NUP155: variants seen among roughly 807,000 people sequenced by gnomAD.
The protein encoded by NUP155 is nuclear pore complex protein Nup155.
A neutral mutation model predicts 180.4 loss-of-function variants in NUP155; 71 were observed. The ratio of observed to expected loss-of-function variants is 0.39; its 90% CI spans 0.33 to 0.48. The LOEUF is 0.48. Among genes scored for constraint, NUP155 ranks in the 20% least tolerant of loss-of-function variants. The pLI, the probability that NUP155 is intolerant of heterozygous loss-of-function variation, is 0.91. For synonymous variants in NUP155, 582 were observed against 559.5 expected, an observed-to-expected ratio of 1.04 and a Z score of -0.57; for missense variants, 1,553 against 1,648.9, an observed-to-expected ratio of 0.94 and a Z score of 1.01.
intron 33 of NUP155, 200 bp from the exon 34 acceptor site, chr5:37,293,185 C>T (rs771205574): frequency 3.6e-4 from 191 of 527,678 alleles, no homozygotes; most frequent in Non-Finnish European, 5.8e-4. Flanking sequence ...ATTAACAACA[C>T]TATGATATTA....
chr5:37,350,407 C>A, intron 6 of NUP155, 142 bp from the exon 7 acceptor site: 1 of 635,296 alleles, frequency 1.6e-6, no homozygotes, highest in Non-Finnish European at 2.8e-6. Flanking sequence ...ATCAACAAAA[C>A]GAGACATATT....
At chr5:37,329,416 A>G (rs1744815426) in intron 15 of NUP155, 138 bp from the exon 16 acceptor site, 10 of 708,278 alleles carry the variant, frequency 1.4e-5, no homozygotes, top group South Asian at 1.2e-4. Flanking sequence ...TGCTGACAGT[A>G]AAGTATATGC....
At position 37,298,508 on chromosome 5, in the gene NUP155, T is replaced by TA. The variant is rs1415605936; in HGVS notation, c.3793+359dup. Among the ~76,000 whole-genome samples, 4 of 152,076 alleles carry TA rather than the reference T, an allele frequency of 2.6e-5. No individual in the cohort carries two copies. In the East Asian group the frequency reaches 5.8e-4, roughly 22 times the overall value. On this transcript the variant is annotated intron_variant, in intron 32 of 34. Coordinates refer to ENST00000231498, the MANE Select transcript of NUP155 (RefSeq NM_153485.3). Reference sequence around the variant, plus strand: ...TTTAAAGAAAAACATGCCCTCAACATAAAAAAAGAACAGTTGAATCAATCA... The same window carrying TA: ...TTTAAAGAAAAACATGCCCTCAACATAAAAAAAAGAACAGTTGAATCAATCA...
chr5:37,326,073 G>T, intron 18 of NUP155, 106 bp from the exon 19 acceptor site: 1 of 826,956 alleles, frequency 1.2e-6, no homozygotes, highest in Non-Finnish European at 2.0e-6. Context: ...TTTAAAACTT[G>T]CAGTGGTTTC....
intron 1 of NUP155, among the ~76,000 whole-genome samples, chr5:37,367,861 G>C (rs1231661557): frequency 1.3e-5 from 2 of 152,094 alleles, no homozygotes; most frequent in Non-Finnish European, 2.9e-5. Context: ...TCGGCTCACT[G>C]CAACTTCCGC....
At chr5:37,310,380 C>A (rs1263533291) in intron 23 of NUP155, among the ~76,000 whole-genome samples, 172 bp downstream of exon 23, 4 of 151,962 alleles carry the variant, frequency 2.6e-5, no homozygotes, top group Non-Finnish European at 5.9e-5. Flanking sequence ...AAAGAGTATA[C>A]ACTGGTTTTA....
intron 9 of NUP155, among the ~76,000 whole-genome samples, chr5:37,348,060 C>T (rs958749777): frequency 1.3e-4 from 20 of 151,964 alleles, no homozygotes; most frequent in African/African-American, 4.4e-4. Context: ...CTTGAACGCG[C>T]GAGGCAGAAG....
Position 37,352,760 on chromosome 5 carries a change from A to G in NUP155, c.533T>C (p.Leu178Pro). The change falls in exon 5 of 35, where the codon CTC (leucine) becomes CCC (proline). Residue 178 changes from leucine to proline, a missense_variant. Physicochemically the swap from Leu to Pro is moderately conservative, Grantham distance 98. Transcript: ENST00000231498. Reference sequence around the variant, plus strand: ...ACCTGTTTGCAAATTAGCATAGCTGAGTCCAAGAATTACTATGTCTACAGG... The same window carrying G: ...ACCTGTTTGCAAATTAGCATAGCTGGGTCCAAGAATTACTATGTCTACAGG... ...ATPVDIVILG[L>P]SYANLQTGSG... 6.2e-7 allele frequency: 1 copy of G among 1,613,358 alleles called. No individual in the cohort carries two copies.
intron 3 of NUP155, among the ~76,000 whole-genome samples, chr5:37,358,907 C>T (rs1326780409): frequency 1.3e-5 from 2 of 152,006 alleles, no homozygotes; most frequent in Non-Finnish European, 2.9e-5. Context: ...GTCCCAGCTA[C>T]TCGGGAGGGT....
intron 21 of NUP155, among the ~76,000 whole-genome samples, chr5:37,316,424 A>C (rs2150953874): frequency 6.6e-6 from 1 of 152,246 alleles, no homozygotes; most frequent in South Asian, 2.1e-4. Context: ...GATAGGGGAA[A>C]AAAATGGGGG....
intron 9 of NUP155, among the ~76,000 whole-genome samples, chr5:37,344,498 A>T (rs1215172391): frequency 2.0e-5 from 3 of 146,702 alleles, no homozygotes; most frequent in Admixed American, 1.4e-4. Flanking sequence ...CAATATTATA[A>T]AAAAAAAAAA....
rs774638232 is a variant in NUP155 at position 37,318,064 on chromosome 5, C to A, written c.2229G>T (p.Gln743His). ...CAGGACGCATGAATCCTATCAGCCTCTGCTGCACTTTAGCAGTAGTACTGA... is the reference window on the plus strand; with the variant it reads ...CAGGACGCATGAATCCTATCAGCCTATGCTGCACTTTAGCAGTAGTACTGA... ...GNPNTTAKVQ[Q>H]RLIGFMRPEN... The change falls in exon 21 of 35, where the codon CAG becomes CAT. Residue 743 changes from glutamine (Q) to histidine (H), a missense_variant. Coordinates refer to ENST00000231498, the MANE Select transcript of NUP155 (RefSeq NM_153485.3). 2.5e-6 allele frequency: 4 copies of A among 1,610,614 alleles called. No individual in the cohort carries two copies. The East Asian group carries it at 6.7e-5, about 27-fold the overall frequency.
At chr5:37,324,995 C>CA (rs1009432577) in intron 19 of NUP155, among the ~76,000 whole-genome samples, 3 of 152,054 alleles carry the variant, frequency 2.0e-5, no homozygotes, top group South Asian at 4.1e-4. Context: ...ACTAAAAATA[C>CA]AAAAAATCAG....
Position 37,371,092 on chromosome 5 carries a change from C to A in NUP155, c.-115G>T. 1 of 1,037,744 alleles carries A rather than the reference C, an allele frequency of 9.6e-7. No homozygotes were observed. The highest frequency in any genetic ancestry group is 1.4e-6 in the Non-Finnish European group (1 of 694,902). 64.3% of individuals were successfully genotyped at this position (1,037,744 alleles called of 1,614,324 possible). On this transcript the variant is annotated 5_prime_UTR_variant, in exon 1 of 35. Coordinates refer to ENST00000231498, the MANE Select transcript of NUP155 (RefSeq NM_153485.3). ...CTAGGGCGCGCGCGCCAAACGAGCGCCTTGGCGCCTCGACATGACGCACTT... is the reference window on the plus strand; with the variant it reads ...CTAGGGCGCGCGCGCCAAACGAGCGACTTGGCGCCTCGACATGACGCACTT...
Position 37,288,652 on chromosome 5 carries a change from C to A in NUP155, c.*3248G>T, listed in dbSNP as rs1231198095. ...TGGTGGCTCATGCCTATAATCCCAG[C>A]ACTTTGGGAGACTGAGGCAGGGGAA... On this transcript the variant is annotated 3_prime_UTR_variant, in exon 35 of 35. Coordinates refer to ENST00000231498, the MANE Select transcript of NUP155 (RefSeq NM_153485.3). 6.7e-6 allele frequency: 1 copy of A among 150,242 alleles called. No homozygotes were observed. The highest frequency in any genetic ancestry group is 1.5e-5 in the Non-Finnish European group (1 of 67,872). The allele number at this position is 150,242 out of a possible 1,614,324, so 9.3% of individuals were successfully genotyped here. A position where few individuals can be genotyped will look rare whatever the true frequency, so the allele number is the denominator to read the frequency against.
intron 20 of NUP155, among the ~76,000 whole-genome samples, chr5:37,321,673 C>G (rs1307814927): frequency 6.6e-6 from 1 of 151,986 alleles, no homozygotes; most frequent in Non-Finnish European, 1.5e-5. Context: ...GCTGAGATTG[C>G]ACCACTGCAC....
Position 37,354,457 on chromosome 5 carries a change from CTT to C in NUP155, c.464-1630_464-1629del, listed in dbSNP as rs34505360. 2.1e-3 allele frequency among the ~76,000 whole-genome samples: 243 copies of C among 114,994 alleles called. 1 individual carries two copies. Among genetic ancestry groups the C allele is most frequent in the Middle Eastern group, 0.013 (2 of 160 alleles). The allele number at this position is 114,994 out of a possible 152,430, so 75.4% of individuals were successfully genotyped here. On this transcript the variant is annotated intron_variant, in intron 4 of 34. Coordinates refer to ENST00000231498, the MANE Select transcript of NUP155 (RefSeq NM_153485.3). ...AACGCACCCAGTGTCTTTATTTCTT[CTT>C]TTTTTTTTTTTTTTTTTGAGACAGG...
At chr5:37,309,653 T>C (rs554840210) in intron 23 of NUP155, 213 of 184,376 alleles carry the variant, frequency 1.2e-3, no homozygotes, top group Non-Finnish European at 1.9e-3. Flanking sequence ...TACTTTTCCT[T>C]AAGCTAAGGA....
At chr5:37,321,497 G>T (rs1281761312) in intron 20 of NUP155, among the ~76,000 whole-genome samples, 4 of 151,990 alleles carry the variant, frequency 2.6e-5, no homozygotes, top group Non-Finnish European at 5.9e-5. Flanking sequence ...GGCGGGCGGA[G>T]CACGAAGTCA....
Sources: gnomAD v4.1 joint callset for allele counts (sites outside exome capture counted in the v4.1 genomes callset) on GRCh38, gnomAD v4.1.1 for gene constraint, MANE v1.5 for transcripts, NCBI Gene and HGNC (gene_info 2026-07-23, HGNC 2026-07-21) for gene names.